The following CFAP47 variants were observed in gnomAD, a reference collection of about 807,000 sequenced individuals.
The protein encoded by CFAP47 is cilia and flagella associated protein 47, also known as cilia- and flagella-associated protein 47.
CFAP47 carries 29 observed loss-of-function variants against 148.1 expected under a neutral mutation model. That is an observed-to-expected ratio of 0.20 (90% confidence interval 0.15 to 0.27). The LOEUF (loss-of-function observed/expected upper bound fraction) is 0.27, where lower values mean the gene tolerates loss of function less well. Ranked by LOEUF, CFAP47 falls within the 10% of genes least tolerant of loss-of-function variation. CFAP47 has a pLI of 1.00. For missense variants in CFAP47, 1,872 were observed against 1,697.5 expected (o/e 1.10, Z -1.81); for synonymous variants, 664 against 577.3 (o/e 1.15, Z -2.15).
At chrX:36,231,533 A>G (rs1463078442) in intron 46 of CFAP47, among the ~76,000 whole-genome samples, 1 of 111,035 alleles carries the variant, frequency 9.0e-6, no homozygotes, top group Non-Finnish European at 1.9e-5. Context: ...GGGGTTTTCT[A>G]CGTATACAAT....
chrX:36,165,160 A>G (rs769728452), intron 39 of CFAP47, among the ~76,000 whole-genome samples: 1 of 112,073 alleles, frequency 8.9e-6, no homozygotes, highest in Non-Finnish European at 1.9e-5. Flanking sequence ...TTTCTATTGT[A>G]TGTGTATATT....
chrX:36,144,995 T>C, intron 35 of CFAP47: 1 of 498,390 alleles, frequency 2.0e-6, no homozygotes, highest in East Asian at 4.4e-5. Flanking sequence ...CTGCAGTTTG[T>C]AGCCAGCCTA....
At chrX:36,232,526 A>T (rs1363318941) in intron 46 of CFAP47, among the ~76,000 whole-genome samples, 12 of 111,306 alleles carry the variant, frequency 1.1e-4, no homozygotes, top group African/African-American at 3.6e-4. Context: ...TAGTCTTGCT[A>T]GTGGTCTATC....
intron 48 of CFAP47, among the ~76,000 whole-genome samples, chrX:36,247,117 C>A (rs2146918941): frequency 8.9e-6 from 1 of 111,743 alleles, no homozygotes; most frequent in South Asian, 3.7e-4. Context: ...GCATCATGTT[C>A]TTTGCAGCAA....
chrX:36,239,845 G>C (rs1207801861), intron 48 of CFAP47, among the ~76,000 whole-genome samples: 1 of 111,809 alleles, frequency 8.9e-6, no homozygotes, highest in Non-Finnish European at 1.9e-5. Context: ...TACAGACACT[G>C]TGAGAGCTGA....
In CFAP47 at chrX:36,267,726, C is replaced by G. The variant is rs781887505; in HGVS notation, c.7445-12761C>G. Among the ~76,000 whole-genome samples the G allele has an allele frequency of 5.4e-5, 6 of 111,754 alleles. No individual in the cohort carries two copies. The East Asian group carries it at 1.7e-3, about 32-fold the overall frequency. On this transcript the variant is annotated intron_variant, in intron 49 of 63. Transcript: ENST00000378653. ...ATCTCCTGACCTCATGATCCACCCG[C>G]CTTGGCCTCCCAAAGTGCTGGGATT...
Position 36,241,219 on chromosome X carries a change from A to C in CFAP47, c.7332+4360A>C, listed in dbSNP as rs781844020. Among the ~76,000 whole-genome samples the C allele has an allele frequency of 1.6e-3, 174 of 111,963 alleles. 1 individual carries two copies. Among genetic ancestry groups the C allele is most frequent in the African/African-American group, 5.2e-3 (159 of 30,822 alleles). ...CATGTCCCCATGGATGTTTGAGCTG[A>C]GAAAGAGATGTTTTCAGAAAGTAGG... On this transcript the variant is annotated intron_variant, in intron 48 of 63. Coordinates refer to ENST00000378653, the MANE Select transcript of CFAP47 (RefSeq NM_001304548.2).
intron 57 of CFAP47, among the ~76,000 whole-genome samples, chrX:36,328,981 G>A (rs781794467): frequency 5.4e-5 from 6 of 111,253 alleles, no homozygotes; most frequent in Admixed American, 1.9e-4. Context: ...AATCAACTGA[G>A]GTTTTGTGTT....
intron 22 of CFAP47, among the ~76,000 whole-genome samples, chrX:36,018,908 AG>A (rs1227191349): frequency 3.6e-5 from 4 of 110,561 alleles, no homozygotes; most frequent in African/African-American, 9.9e-5. Context: ...TTTTCAGAAT[AG>A]TTTGAGGAGG....
chrX:36,152,541 G>T (rs1939320656), intron 37 of CFAP47, among the ~76,000 whole-genome samples: 1 of 111,309 alleles, frequency 9.0e-6, no homozygotes, highest in Admixed American at 9.6e-5. Flanking sequence ...AAAGCTGCTG[G>T]CATACTCTGT....
At chrX:36,060,713 A>G (rs1383863398) in intron 26 of CFAP47, among the ~76,000 whole-genome samples, 1 of 111,550 alleles carries the variant, frequency 9.0e-6, no homozygotes, top group Admixed American at 9.6e-5. Context: ...TTTAGAACCT[A>G]AAGTCTATTT....
At chrX:36,047,219 A>G (rs1264735589) in intron 26 of CFAP47, among the ~76,000 whole-genome samples, 156 bp downstream of exon 26, 2 of 111,992 alleles carry the variant, frequency 1.8e-5, no homozygotes. Context: ...GTGCGCTCTC[A>G]CAAAAAGCAG....
chrX:36,118,765 C>T (rs937987792), intron 33 of CFAP47, among the ~76,000 whole-genome samples: 25 of 111,948 alleles, frequency 2.2e-4, no homozygotes, highest in East Asian at 8.4e-4. Flanking sequence ...TGAGCCACCG[C>T]GCCCATGCTA....
intron 30 of CFAP47, among the ~76,000 whole-genome samples, chrX:36,098,273 A>G (rs1938313192): frequency 9.0e-6 from 1 of 111,558 alleles, no homozygotes; most frequent in Non-Finnish European, 1.9e-5. Flanking sequence ...CTCTCTCTGA[A>G]AGGTCATGTA....
chrX:36,269,689 C>T (rs1229311031), intron 49 of CFAP47, among the ~76,000 whole-genome samples: 1 of 111,790 alleles, frequency 8.9e-6, no homozygotes, highest in Non-Finnish European at 1.9e-5. Context: ...ATTGTGGATA[C>T]TTAATGTATA....
chrX:35,979,429 T>C (rs1274980561), intron 15 of CFAP47, among the ~76,000 whole-genome samples: 6 of 109,972 alleles, frequency 5.5e-5, no homozygotes, highest in Admixed American at 3.0e-4. Flanking sequence ...TGAACTTGTT[T>C]TTGATCAATT....
chrX:36,036,617 A>G (rs185237958), intron 24 of CFAP47, among the ~76,000 whole-genome samples: 2 of 111,979 alleles, frequency 1.8e-5, no homozygotes, highest in East Asian at 5.6e-4. Context: ...TCTGCTTATC[A>G]CATTCAGCCA....
At chrX:36,261,288 C>G (rs1374228003) in intron 49 of CFAP47, among the ~76,000 whole-genome samples, 2 of 97,191 alleles carry the variant, frequency 2.1e-5, no homozygotes, top group Non-Finnish European at 4.0e-5. Context: ...TTGGTTGAAC[C>G]CTTAAGGCCA....
chrX:36,243,170 G>A (rs1484427648), intron 48 of CFAP47, among the ~76,000 whole-genome samples: 1 of 111,219 alleles, frequency 9.0e-6, no homozygotes, highest in East Asian at 2.8e-4. Flanking sequence ...AGACTGACAA[G>A]AAGTCCTTTA....
Sources: allele counts gnomAD v4.1 joint callset (sites outside exome capture counted in the v4.1 genomes callset), GRCh38; gene constraint gnomAD v4.1.1; transcripts MANE v1.5; gene names NCBI Gene and HGNC (gene_info 2026-07-23, HGNC 2026-07-21).